Variants in KCND3 observed in about 807,000 individuals in gnomAD.
The protein encoded by KCND3 is A-type voltage-gated potassium channel KCND3.
In KCND3, 9 loss-of-function variants were observed where a neutral mutation model predicts 51.1. That is an observed-to-expected ratio of 0.18 (90% CI 0.11 to 0.31). KCND3 has a LOEUF of 0.31. KCND3 is among the 10% of genes least tolerant of loss of function. The pLI, the probability that KCND3 is intolerant of heterozygous loss-of-function variation, is 1.00. For synonymous variants in KCND3, 349 were observed against 368.0 expected (o/e 0.95, Z 0.59); for missense variants, 526 against 903.8 (o/e 0.58, Z 5.36).
chr1:111,852,072 C>G (rs1272577654), intron 2 of KCND3, among the ~76,000 whole-genome samples: 1 of 152,220 alleles, frequency 6.6e-6, no homozygotes, highest in Admixed American at 6.5e-5. Flanking sequence ...GCTCAGGTTT[C>G]TCCCCTGGAG....
chr1:111,796,124 C>T (rs949547566), intron 2 of KCND3, among the ~76,000 whole-genome samples: 2 of 151,878 alleles, frequency 1.3e-5, no homozygotes, highest in African/African-American at 4.8e-5. Flanking sequence ...CATTTTTTTC[C>T]CATTCTGTAG....
intron 2 of KCND3, among the ~76,000 whole-genome samples, chr1:111,894,807 C>A (rs925852468): frequency 1.3e-5 from 2 of 152,162 alleles, no homozygotes; most frequent in African/African-American, 4.8e-5. Flanking sequence ...GCCTGCCTGA[C>A]CTTTCTACAG....
In KCND3 at chr1:111,943,257, C is replaced by T. The variant is rs2101890475; in HGVS notation, c.1106+38364G>A. 3.3e-5 allele frequency among the ~76,000 whole-genome samples: 5 copies of T among 152,288 alleles called. No homozygotes were observed. In the South Asian group the frequency reaches 1.0e-3, roughly 32 times the overall value. ...GCTGAATCCTGGCCAAGAAGAGCAG[C>T]TGCAAATAGGGCAGAGGGGCCCTGG... On this transcript the variant is annotated intron_variant, in intron 2 of 7. Transcript: ENST00000302127.
intron 2 of KCND3, among the ~76,000 whole-genome samples, chr1:111,895,712 G>C (rs1027139836): frequency 2.0e-5 from 3 of 152,232 alleles, no homozygotes; most frequent in Non-Finnish European, 2.9e-5. Flanking sequence ...GCCTGCCGTG[G>C]GGAGTGGAGG....
chr1:111,774,484 C>A lies in KCND3; in HGVS notation c.*1593G>T, dbSNP rs1024317536. 6.6e-6 allele frequency: 1 copy of A among 152,246 alleles called. No homozygotes were observed. Among genetic ancestry groups the A allele is most frequent in the African/African-American group, 2.4e-5 (1 of 41,442 alleles). The allele number at this position is 152,246 out of a possible 1,614,324, so 9.4% of individuals were successfully genotyped here. On this transcript the variant is annotated 3_prime_UTR_variant, in exon 8 of 8. Coordinates refer to ENST00000302127, the MANE Select transcript of KCND3 (RefSeq NM_001378969.1). Reference sequence around the variant, plus strand: ...AGGAGGATTCCAGAAATGCTGCCCCCAGCTCCACCAGGGTGCAAGCTAGTT... The same window carrying A: ...AGGAGGATTCCAGAAATGCTGCCCCAAGCTCCACCAGGGTGCAAGCTAGTT...
chr1:111,848,670 C>T (rs951409114), intron 2 of KCND3, among the ~76,000 whole-genome samples: 2 of 152,136 alleles, frequency 1.3e-5, no homozygotes, highest in Non-Finnish European at 2.9e-5. Context: ...CTGGGGCTGG[C>T]CCACCCAGCA....
Position 111,777,040 on chromosome 1 carries a change from G to T in KCND3, c.1752C>A (p.Pro584=), listed in dbSNP as rs771385731. 9.9e-6 allele frequency: 16 copies of T among 1,613,558 alleles called. No homozygotes were observed. The highest frequency in any genetic ancestry group is 1.7e-5 in the Admixed American group (1 of 60,014). The change falls in exon 7 of 8, where the codon CCC becomes CCA. Residue 584 remains proline, a synonymous_variant. Coordinates refer to ENST00000302127, the MANE Select transcript of KCND3 (RefSeq NM_001378969.1). The part of the protein sequence containing the change: ...STIHIQGSEQ[P]SLTTSRSSLN... Reference sequence around the variant, plus strand: ...AAGCCACCCACCTGGTTGTGAGGGAGGGCTGCTCACTGCCCTGGATGTGGA... The same window carrying T: ...AAGCCACCCACCTGGTTGTGAGGGATGGCTGCTCACTGCCCTGGATGTGGA...
intron 2 of KCND3, among the ~76,000 whole-genome samples, chr1:111,819,712 G>T (rs1666261576): frequency 6.6e-6 from 1 of 152,162 alleles, no homozygotes; most frequent in Non-Finnish European, 1.5e-5. Context: ...AGGCCTGCTT[G>T]TGTCTCCTCA....
chr1:111,916,868 G>C (rs533535451), intron 2 of KCND3, among the ~76,000 whole-genome samples: 2 of 152,134 alleles, frequency 1.3e-5, no homozygotes, highest in Non-Finnish European at 2.9e-5. Context: ...TAGATAACTG[G>C]AATAGCCCTA....
intron 2 of KCND3, among the ~76,000 whole-genome samples, chr1:111,801,492 G>A (rs530537166): frequency 6.6e-6 from 1 of 152,286 alleles, no homozygotes; most frequent in Admixed American, 6.5e-5. Context: ...TGCCTTCTGT[G>A]GCTCCAGCTG....
chr1:111,878,993 A>G (rs1669183510), intron 2 of KCND3, among the ~76,000 whole-genome samples: 1 of 152,212 alleles, frequency 6.6e-6, no homozygotes, highest in African/African-American at 2.4e-5. Context: ...CCCTCCTGCA[A>G]AGAAGAGAAA....
Position 111,900,027 on chromosome 1 carries a change from C to T in KCND3, c.1106+81594G>A, listed in dbSNP as rs186942315. On this transcript the variant is annotated intron_variant, in intron 2 of 7. Transcript: ENST00000302127. Reference sequence around the variant, plus strand: ...GGCAGGGGTAGTAGAATCAACTTGGCGCCACACAGGAGTGCAGTGTTAGAT... The same window carrying T: ...GGCAGGGGTAGTAGAATCAACTTGGTGCCACACAGGAGTGCAGTGTTAGAT... 4.5e-4 allele frequency among the ~76,000 whole-genome samples: 69 copies of T among 152,202 alleles called. 1 individual carries two copies. The East Asian group carries it at 7.7e-3, about 17-fold the overall frequency.
intron 2 of KCND3, among the ~76,000 whole-genome samples, chr1:111,890,073 C>G (rs17028958): frequency 1.3e-5 from 2 of 152,124 alleles, no homozygotes; most frequent in Non-Finnish European, 2.9e-5. Flanking sequence ...ATGGAAGACT[C>G]TGAAGGACAC....
chr1:111,792,577 G>C (rs1557939801), intron 2 of KCND3, among the ~76,000 whole-genome samples: 1 of 152,204 alleles, frequency 6.6e-6, no homozygotes, highest in Non-Finnish European at 1.5e-5. Context: ...TGGTCTCTGA[G>C]TGTCAGGCTA....
intron 2 of KCND3, among the ~76,000 whole-genome samples, chr1:111,915,778 C>A (rs1226818814): frequency 4.2e-4 from 45 of 106,454 alleles, no homozygotes; most frequent in Non-Finnish European, 5.8e-4. Flanking sequence ...AAAAAAAAAA[C>A]TGGAGTGACT....
rs75317636 is a variant in KCND3 at position 111,806,314 on chromosome 1, G to A, written c.1107-19208C>T. Reference sequence around the variant, plus strand: ...AGCCCTGCTTATCGTGGACATGCTCGTGGCCCTCACGGCCCGGCCCTCCCA... The same window carrying A: ...AGCCCTGCTTATCGTGGACATGCTCATGGCCCTCACGGCCCGGCCCTCCCA... On this transcript the variant is annotated intron_variant, in intron 2 of 7. Transcript: ENST00000302127. Among the ~76,000 whole-genome samples the A allele has an allele frequency of 2.1e-3, 324 of 152,350 alleles. 5 individuals are homozygous for A. The highest frequency in any genetic ancestry group is 7.2e-3 in the African/African-American group (298 of 41,582).
chr1:111,949,451 G>T (rs1315841465), intron 2 of KCND3, among the ~76,000 whole-genome samples: 1 of 152,212 alleles, frequency 6.6e-6, no homozygotes, highest in African/African-American at 2.4e-5. Flanking sequence ...CCAGAGAAGA[G>T]CCCTGCAGGC....
intron 2 of KCND3, among the ~76,000 whole-genome samples, chr1:111,791,982 G>C (rs541806446): frequency 1.4e-4 from 22 of 152,324 alleles, no homozygotes; most frequent in African/African-American, 5.3e-4. Context: ...TGGAAAAAGG[G>C]AGTGGGTGTC....
chr1:111,779,918 A>G (rs1016778411), intron 5 of KCND3, among the ~76,000 whole-genome samples: 1 of 152,232 alleles, frequency 6.6e-6, no homozygotes. Flanking sequence ...GAACTGAGAA[A>G]CTGATAGGCA....
Sources: allele counts gnomAD v4.1 joint callset (sites outside exome capture counted in the v4.1 genomes callset), GRCh38; gene constraint gnomAD v4.1.1; transcripts MANE v1.5; gene names NCBI Gene and HGNC (gene_info 2026-07-23, HGNC 2026-07-21).